TRPM3: variants seen among roughly 807,000 people sequenced by gnomAD.
TRPM3 encodes the protein transient receptor potential cation channel subfamily M member 3, also known as long transient receptor potential channel 3.
Under a neutral mutation model 181.2 loss-of-function variants are expected in TRPM3, and 77 were observed. The observed-to-expected ratio is 0.42, with a 90% CI of 0.35 to 0.51. The LOEUF (loss-of-function observed/expected upper bound fraction) is 0.51, where lower values mean the gene tolerates loss of function less well. TRPM3 is among the 20% of genes least tolerant of loss of function. The pLI is 0.01. For missense variants in TRPM3, 1,759 were observed against 2,196.7 expected (o/e 0.80, Z 3.98); for synonymous variants, 745 against 796.4 (o/e 0.94, Z 1.09).
chr9:71,117,850 C>T (rs1238522969), intron 1 of TRPM3, among the ~76,000 whole-genome samples: 1 of 152,138 alleles, frequency 6.6e-6, no homozygotes, highest in South Asian at 2.1e-4. Flanking sequence ...CCCCTTCTCC[C>T]AATGCAACCC....
intron 1 of TRPM3, among the ~76,000 whole-genome samples, chr9:71,294,627 T>A (rs2086104056): frequency 6.6e-6 from 1 of 152,140 alleles, no homozygotes; most frequent in Admixed American, 6.6e-5. Flanking sequence ...CTATGACTAA[T>A]TCTAAGTGTA....
intron 1 of TRPM3, among the ~76,000 whole-genome samples, chr9:71,211,678 C>T (rs543022577): frequency 2.0e-5 from 3 of 152,204 alleles, no homozygotes; most frequent in Admixed American, 6.5e-5. Context: ...GCAGAAGTAT[C>T]GCCTTGATTT....
chr9:71,074,241 G>A (rs1379098752), intron 1 of TRPM3, among the ~76,000 whole-genome samples: 1 of 152,156 alleles, frequency 6.6e-6, no homozygotes, highest in South Asian at 2.1e-4. Flanking sequence ...AGCAGTCTGT[G>A]CAGCTGTTTC....
intron 1 of TRPM3, among the ~76,000 whole-genome samples, chr9:71,096,590 A>ACACACACACTCTCTCTCT (rs1452142664): frequency 2.0e-4 from 18 of 90,032 alleles, no homozygotes; most frequent in African/African-American, 8.8e-4. Flanking sequence ...ACACACACAC[A>ACACACACACTCTCTCTCT]CTCTCTCTCT....
intron 1 of TRPM3, among the ~76,000 whole-genome samples, chr9:70,909,511 T>C (rs1564738160): frequency 1.3e-5 from 2 of 151,974 alleles, no homozygotes. Context: ...AGGCAGCCAG[T>C]AGTGTCAGGG....
chr9:70,957,127 AT>A (rs1043827651), intron 1 of TRPM3, among the ~76,000 whole-genome samples: 39 of 151,278 alleles, frequency 2.6e-4, no homozygotes, highest in African/African-American at 9.0e-4. Context: ...CACCTGGCTA[AT>A]TTTTTTTGTA....
At chr9:71,281,323 C>G (rs1185043881) in intron 1 of TRPM3, among the ~76,000 whole-genome samples, 1 of 152,220 alleles carries the variant, frequency 6.6e-6, no homozygotes, top group Non-Finnish European at 1.5e-5. Context: ...CCATTAAGAA[C>G]AGTTCATAAG....
At chr9:70,670,803 C>T (rs2062760763) in intron 9 of TRPM3, among the ~76,000 whole-genome samples, 1 of 152,116 alleles carries the variant, frequency 6.6e-6, no homozygotes. Context: ...CCTTAAAGAG[C>T]TAGCAATAAC....
At chr9:70,592,891 C>T (rs954353104) in intron 21 of TRPM3, among the ~76,000 whole-genome samples, 9 of 151,932 alleles carry the variant, frequency 5.9e-5, no homozygotes, top group African/African-American at 1.9e-4. Context: ...CACCATGCCC[C>T]GCTAATTTTT....
intron 3 of TRPM3, among the ~76,000 whole-genome samples, chr9:70,854,400 CTG>C (rs979403425): frequency 6.6e-6 from 1 of 152,148 alleles, no homozygotes; most frequent in African/African-American, 2.4e-5. Context: ...TCACAGGACA[CTG>C]TGTGGATTAA....
intron 3 of TRPM3, among the ~76,000 whole-genome samples, chr9:70,862,256 G>C (rs1206813022): frequency 6.6e-6 from 1 of 152,126 alleles, no homozygotes; most frequent in African/African-American, 2.4e-5. Flanking sequence ...TAACTAGGAA[G>C]TGGCCCATGA....
At chr9:70,898,747 C>CAAAAAAAAAAAAAAAAAAAGAAA (rs2096333322) in intron 1 of TRPM3, among the ~76,000 whole-genome samples, 1 of 93,356 alleles carries the variant, frequency 1.1e-5, no homozygotes, top group Non-Finnish European at 2.1e-5. Context: ...GACTTCATCT[C>CAAAAAAAAAAAAAAAAAAAGAAA]AAAAAAAAAA....
At chr9:71,388,144 G>T (rs1050729848) in intron 1 of TRPM3, among the ~76,000 whole-genome samples, 42 of 152,044 alleles carry the variant, frequency 2.8e-4, no homozygotes, top group African/African-American at 9.7e-4. Flanking sequence ...ACAAAAAGAG[G>T]AACGACCAGT....
At chr9:71,112,082 G>A (rs1309570582) in intron 1 of TRPM3, among the ~76,000 whole-genome samples, 2 of 152,056 alleles carry the variant, frequency 1.3e-5, no homozygotes, top group Non-Finnish European at 2.9e-5. Flanking sequence ...ATTTCAGTTG[G>A]GTAGAGCCTA....
At chr9:71,334,588 T>C (rs2090431784) in intron 1 of TRPM3, among the ~76,000 whole-genome samples, 1 of 152,136 alleles carries the variant, frequency 6.6e-6, no homozygotes, top group African/African-American at 2.4e-5. Flanking sequence ...GAATCCCAAA[T>C]AGCCATTTCT....
intron 1 of TRPM3, among the ~76,000 whole-genome samples, chr9:70,993,058 G>A (rs1333523449): frequency 6.6e-6 from 1 of 152,156 alleles, no homozygotes. Flanking sequence ...TACCTGGTGT[G>A]CAGTAAGTAA....
intron 1 of TRPM3, among the ~76,000 whole-genome samples, chr9:71,344,859 G>A (rs1265418009): frequency 6.6e-6 from 1 of 152,058 alleles, no homozygotes; most frequent in Admixed American, 6.6e-5. Context: ...AATATATAAG[G>A]AACTCTTGCA....
intron 1 of TRPM3, among the ~76,000 whole-genome samples, chr9:71,052,866 G>C (rs1308466299): frequency 6.6e-6 from 1 of 151,906 alleles, no homozygotes; most frequent in African/African-American, 2.4e-5. Context: ...CAAAGAACAG[G>C]AGTCCATGTG....
At chr9:71,095,746 G>A (rs1428039009) in intron 1 of TRPM3, among the ~76,000 whole-genome samples, 10 of 118,274 alleles carry the variant, frequency 8.5e-5, no homozygotes, top group African/African-American at 1.3e-4. Flanking sequence ...GCAGCAGAAT[G>A]AGACTCTGTG....
Sources: gnomAD v4.1 joint callset for allele counts (sites outside exome capture counted in the v4.1 genomes callset) on GRCh38, gnomAD v4.1.1 for gene constraint, MANE v1.5 for transcripts, NCBI Gene and HGNC (gene_info 2026-07-23, HGNC 2026-07-21) for gene names.